Variants in CD109 observed in about 807,000 individuals in gnomAD.
The protein encoded by CD109 is CD109 molecule, also known as CD109 antigen.
Under a neutral mutation model 165.8 loss-of-function variants are expected in CD109, and 149 were observed. That is an observed-to-expected ratio of 0.90 (90% confidence interval 0.79 to 1.03). CD109 has a LOEUF of 1.03. CD109 is among the 50% of genes least tolerant of loss of function. The pLI, the probability that CD109 is intolerant of heterozygous loss-of-function variation, is 0.00. For missense variants in CD109, 1,712 were observed against 1,677.8 expected (o/e 1.02, Z -0.36); for synonymous variants, 585 against 592.1 (o/e 0.99, Z 0.18).
upstream of CD109, chr6:73,696,093 A>G (rs1421215439): frequency 4.3e-6 from 4 of 926,714 alleles, no homozygotes; most frequent in African/African-American, 1.7e-5. Flanking sequence ...AGGCGCGCCC[A>G]TTTCAGATTA....
At chr6:73,706,449 T>C (rs2150150993) in intron 2 of CD109, among the ~76,000 whole-genome samples, 1 of 152,336 alleles carries the variant, frequency 6.6e-6, no homozygotes, top group East Asian at 1.9e-4. Flanking sequence ...TCGAGAGGAC[T>C]GGGTGGAGTT....
chr6:73,706,341 AG>A (rs1771264702), intron 2 of CD109, among the ~76,000 whole-genome samples: 1 of 152,162 alleles, frequency 6.6e-6, no homozygotes. Context: ...ATTAGAATAC[AG>A]GGGCAGGAAG....
chr6:73,730,354 A>G lies in CD109; in HGVS notation c.287A>G (p.Asn96Ser), dbSNP rs149072550. 16 of 1,609,728 alleles carry G rather than the reference A, an allele frequency of 9.9e-6. No homozygotes were observed. The highest frequency in any genetic ancestry group is 1.1e-5 in the Non-Finnish European group (13 of 1,176,244). Residue 96 changes from asparagine to serine, a missense_variant, in exon 4 of 33, where the codon AAC (asparagine) becomes AGC (serine). By Grantham distance (46) the Asn-to-Ser change is conservative (BLOSUM62 1). Transcript: ENST00000287097. ...TCTTTTTCCCCCCAGCTACCTCTGAACAGTGCAGATGAGATTTATGAGCTA... is the reference window on the plus strand; with the variant it reads ...TCTTTTTCCCCCCAGCTACCTCTGAGCAGTGCAGATGAGATTTATGAGCTA... ...KTLTLPSLPL[N>S]SADEIYELRV...
chr6:73,765,862 A>C, intron 10 of CD109, 68 bp from the exon 11 acceptor site: 1 of 1,141,030 alleles, frequency 8.8e-7, no homozygotes. Context: ...AGAATACTAC[A>C]GACGGAAACT....
At chr6:73,748,075 G>T (rs545613977) in intron 5 of CD109, among the ~76,000 whole-genome samples, 5 of 151,872 alleles carry the variant, frequency 3.3e-5, no homozygotes, top group Non-Finnish European at 7.4e-5. Flanking sequence ...TCACCATGTT[G>T]CCCAGGCTGG....
intron 22 of CD109, among the ~76,000 whole-genome samples, chr6:73,789,971 A>G (rs1774860248): frequency 6.6e-6 from 1 of 152,014 alleles, no homozygotes; most frequent in Non-Finnish European, 1.5e-5. Context: ...AGTGTTGGCC[A>G]GGCTGGTCTC....
At chr6:73,717,533 C>T (rs1172057658) in intron 2 of CD109, among the ~76,000 whole-genome samples, 1 of 148,976 alleles carries the variant, frequency 6.7e-6, no homozygotes, top group Admixed American at 6.7e-5. Context: ...ACTTTATTTG[C>T]TGCTATTGTA....
At chr6:73,688,600 G>A in the CD109 span, among the ~76,000 whole-genome samples, 1 of 151,954 alleles carries the variant, frequency 6.6e-6, no homozygotes, top group African/African-American at 2.4e-5. Flanking sequence ...ATAGAGGCTG[G>A]TCACCAGAAA....
intron 2 of CD109, among the ~76,000 whole-genome samples, chr6:73,715,317 C>T (rs573090470): frequency 6.6e-6 from 1 of 151,680 alleles, no homozygotes; most frequent in Admixed American, 6.6e-5. Flanking sequence ...AATCCTAGGG[C>T]CTTGGGAAGT....
rs527320258 is a variant in CD109, at chr6:73,705,502, C to T, written c.247+7930C>T. ...TAAAAATAAAAAAAAGGTAGCTGGA[C>T]GTGGTGACATGTGCTTGTAGTCCCA... On this transcript the variant is annotated intron_variant, in intron 2 of 32. Coordinates refer to ENST00000287097, the MANE Select transcript of CD109 (RefSeq NM_133493.5). Among the ~76,000 whole-genome samples, 13 of 152,020 alleles carry T rather than the reference C, an allele frequency of 8.6e-5. No individual in the cohort carries two copies. The South Asian group carries it at 1.9e-3, about 22-fold the overall frequency.
At chr6:73,732,386 A>G (rs894146460) in intron 4 of CD109, among the ~76,000 whole-genome samples, 2 of 152,232 alleles carry the variant, frequency 1.3e-5, no homozygotes, top group African/African-American at 2.4e-5. Context: ...TTCAATGCAT[A>G]TTGCTTGAAT....
chr6:73,810,948 T>G, intron 27 of CD109, 44 bp from the exon 28 acceptor site: 2 of 1,563,164 alleles, frequency 1.3e-6, no homozygotes, highest in Non-Finnish European at 8.7e-7. Flanking sequence ...TTTGAAGACC[T>G]TGATATATAC....
At chr6:73,702,551 A>G (rs1423225022) in intron 2 of CD109, among the ~76,000 whole-genome samples, 3 of 152,166 alleles carry the variant, frequency 2.0e-5, no homozygotes, top group Non-Finnish European at 4.4e-5. Context: ...TCATTCACAC[A>G]TCGTCTTTGT....
Position 73,771,414 on chromosome 6 carries a change from T to TTC in CD109, c.1675-9_1675-8dup, listed in dbSNP as rs749431978. On this transcript the variant is annotated splice_polypyrimidine_tract_variant and intron_variant, in intron 14 of 32. Coordinates refer to ENST00000287097, the MANE Select transcript of CD109 (RefSeq NM_133493.5). Reference sequence around the variant, plus strand: ...AAAAGTGAAATAAGTTAATCCTCCTTTCTCTCTTTTTTAGATAAAGCTATA... The same window carrying TTC: ...AAAAGTGAAATAAGTTAATCCTCCTTTCTCTCTCTTTTTTAGATAAAGCTATA... The TTC allele has an allele frequency of 5.7e-6, 9 of 1,592,658 alleles. No homozygotes were observed. The African/African-American group carries it at 1.1e-4, about 19-fold the overall frequency.
At position 73,739,815 on chromosome 6, in the gene CD109, TCC is replaced by T. The variant is rs1772697475; in HGVS notation, c.633+3308_633+3309del. 2.0e-5 allele frequency among the ~76,000 whole-genome samples: 3 copies of T among 152,194 alleles called. No individual in the cohort carries two copies. In the South Asian group the frequency reaches 6.2e-4, roughly 32 times the overall value. On this transcript the variant is annotated intron_variant, in intron 5 of 32. Coordinates refer to ENST00000287097, the MANE Select transcript of CD109 (RefSeq NM_133493.5). ...GTGAGCCAAGATCATGCCACCGCTC[TCC>T]AGCCTGGGCGACAGAGTGATACTCT...
intron 2 of CD109, among the ~76,000 whole-genome samples, chr6:73,710,193 C>G (rs995647646): frequency 3.3e-5 from 5 of 152,112 alleles, no homozygotes; most frequent in African/African-American, 9.7e-5. Context: ...CTAGAAAACC[C>G]CATTGTCTCA....
rs541040832 is a variant in CD109, at chr6:73,767,065, C to G, written c.1497+55C>G. On this transcript the variant is annotated intron_variant, in intron 13 of 32. Transcript: ENST00000287097. ...TCTATTATAGAATCATCTTTTTATT[C>G]ACTTTTAAGTTCTGGGGTACATGTG... The G allele has an allele frequency of 2.4e-5, 35 of 1,483,322 alleles. No individual in the cohort carries two copies. The South Asian group carries it at 3.8e-4, about 16-fold the overall frequency. The allele number at this position is 1,483,322 out of a possible 1,614,324, so 91.9% of individuals were successfully genotyped here.
rs144915756 is a variant in CD109 at position 73,799,097 on chromosome 6, T to A, written c.2879-4123T>A. ...AAAATTGAGGGAGAATGTCCTGGAC[T>A]CTCTTGCTGATTTCTTTTGTGAACA... On this transcript the variant is annotated intron_variant, in intron 23 of 32. Transcript: ENST00000287097. Among the ~76,000 whole-genome samples, 202 of 152,324 alleles carry A rather than the reference T, an allele frequency of 1.3e-3. 3 individuals are homozygous for A. The East Asian group carries it at 0.034, about 25-fold the overall frequency.
intron 3 of CD109, 29 bp from the exon 4 acceptor site, chr6:73,730,315 C>G: frequency 7.4e-7 from 1 of 1,353,928 alleles, no homozygotes; most frequent in Admixed American, 1.8e-5. Context: ...ATAATGAGAC[C>G]TTGATGTGTG....
Sources: allele counts gnomAD v4.1 joint callset (sites outside exome capture counted in the v4.1 genomes callset), GRCh38; gene constraint gnomAD v4.1.1; transcripts MANE v1.5; gene names NCBI Gene and HGNC (gene_info 2026-07-23, HGNC 2026-07-21).